The following BCAS3 variants were observed in gnomAD, a reference collection of about 807,000 sequenced individuals.
BCAS3 encodes BCAS4/BCAS3 fusion.
A neutral mutation model predicts 116.1 loss-of-function variants in BCAS3; 53 were observed. The observed-to-expected ratio is 0.46, with a 90% CI of 0.37 to 0.57. The LOEUF (loss-of-function observed/expected upper bound fraction) is 0.57. Ranked by LOEUF, BCAS3 falls within the 20% of genes least tolerant of loss-of-function variation. The pLI, the probability that BCAS3 is intolerant of heterozygous loss-of-function variation, is 0.00. For synonymous variants in BCAS3, 391 were observed against 408.2 expected (o/e 0.96, Z 0.51); for missense variants, 917 against 1,165.4 (o/e 0.79, Z 3.10).
intron 22 of BCAS3, among the ~76,000 whole-genome samples, chr17:61,089,475 C>CTT (rs746515447): frequency 1.9e-4 from 3 of 15,942 alleles, no homozygotes; most frequent in Admixed American, 6.8e-4. Flanking sequence ...GAAGAGTATT[C>CTT]TTTTTTTTTT....
chr17:61,271,485 G>A (rs141261932), intron 22 of BCAS3, among the ~76,000 whole-genome samples: 3,268 of 134,458 alleles, frequency 0.024, 135 homozygotes, highest in African/African-American at 0.087. Context: ...GTGCAGTGGC[G>A]CGATCTTGGC....
Position 61,013,778 on chromosome 17 carries a change from A to G in BCAS3, c.1487-1973A>G, listed in dbSNP as rs78306633. Among the ~76,000 whole-genome samples the G allele has an allele frequency of 1.9e-3, 282 of 152,256 alleles. 2 individuals carry two copies. Among genetic ancestry groups the G allele is most frequent in the African/African-American group, 6.3e-3 (261 of 41,562 alleles). On this transcript the variant is annotated intron_variant, in intron 15 of 23. Transcript: ENST00000407086. The surrounding 1 kb of genome is among the most constrained non-coding windows in gnomAD (Gnocchi z 4.4). ...TATCAAAGGTTAACTTGATAGTTCT[A>G]TAGAGTAATATAAAAGGATAGATTT...
intron 22 of BCAS3, among the ~76,000 whole-genome samples, chr17:61,231,976 G>C (rs537984524): frequency 3.2e-4 from 48 of 151,736 alleles, no homozygotes; most frequent in Middle Eastern, 3.4e-3. Flanking sequence ...GGAGGCCGAG[G>C]GGGGTGGATC....
intron 6 of BCAS3, among the ~76,000 whole-genome samples, chr17:60,797,474 G>A (rs1436683376): frequency 6.6e-6 from 1 of 152,024 alleles, no homozygotes; most frequent in Non-Finnish European, 1.5e-5. Flanking sequence ...CCGGCCTCCT[G>A]AGTAGCTGGG....
At position 61,098,808 on chromosome 17, in the gene BCAS3, G is replaced by T. The variant is rs2143646094; in HGVS notation, c.2425+14244G>T. Reference sequence around the variant, plus strand: ...TTAACAGTAGGTGTGGATCCTGATTGTTCTGTTACTGCTTGGCTTAAGATA... The same window carrying T: ...TTAACAGTAGGTGTGGATCCTGATTTTTCTGTTACTGCTTGGCTTAAGATA... On this transcript the variant is annotated intron_variant, in intron 22 of 23. Coordinates refer to ENST00000407086, the MANE Select transcript of BCAS3 (RefSeq NM_017679.5). The surrounding 1 kb of genome is among the most constrained non-coding windows in gnomAD (Gnocchi z 4.2). Among the ~76,000 whole-genome samples the T allele has an allele frequency of 6.6e-6, 1 of 152,212 alleles. No individual in the cohort carries two copies. Among genetic ancestry groups the T allele is most frequent in the African/African-American group, 2.4e-5 (1 of 41,536 alleles).
At chr17:61,209,259 T>C (rs2081321972) in intron 22 of BCAS3, among the ~76,000 whole-genome samples, 1 of 152,132 alleles carries the variant, frequency 6.6e-6, no homozygotes, top group African/African-American at 2.4e-5. Context: ...TAGGAATGAC[T>C]CTAGAGCCGT....
intron 15 of BCAS3, among the ~76,000 whole-genome samples, chr17:61,005,778 ATTTCT>A (rs1017236963): frequency 5.4e-5 from 8 of 147,732 alleles, no homozygotes; most frequent in African/African-American, 2.0e-4. Context: ...TTAGGAAAAA[ATTTCT>A]TTTTTTTCTT....
At chr17:60,688,800 AG>A (rs1391582372) in intron 3 of BCAS3, 1 of 150,500 alleles carries the variant, frequency 6.6e-6, no homozygotes, top group Non-Finnish European at 1.5e-5. Context: ...TGGGTGATAG[AG>A]TGAGACTCTG....
At position 61,366,977 on chromosome 17, in the gene BCAS3, G is replaced by T. The variant is rs1451671439; in HGVS notation, c.2426-1350G>T. Among the ~76,000 whole-genome samples, 1 of 152,204 alleles carries T rather than the reference G, an allele frequency of 6.6e-6. No homozygotes were observed. The highest frequency in any genetic ancestry group is 1.5e-5 in the Non-Finnish European group (1 of 68,032). Reference sequence around the variant, plus strand: ...CCGGCTGTCGGAGTGTTTACTAACGGTTATCACCTCAATGCTGTGGCCATT... The same window carrying T: ...CCGGCTGTCGGAGTGTTTACTAACGTTTATCACCTCAATGCTGTGGCCATT... On this transcript the variant is annotated intron_variant, in intron 22 of 23. Transcript: ENST00000407086. The surrounding 1 kb of genome is among the most constrained non-coding windows in gnomAD (Gnocchi z 4.5).
chr17:60,872,306 T>C (rs2055177023), intron 8 of BCAS3, among the ~76,000 whole-genome samples: 1 of 151,858 alleles, frequency 6.6e-6, no homozygotes, highest in South Asian at 2.1e-4. Flanking sequence ...TGTGTGTATA[T>C]GTACTTATAT....
chr17:60,749,064 C>G (rs1198107569), intron 6 of BCAS3: 4 of 152,010 alleles, frequency 2.6e-5, no homozygotes, highest in African/African-American at 4.8e-5. Flanking sequence ...TTTTTTTCCC[C>G]CAAAGTTATA....
intron 19 of BCAS3, among the ~76,000 whole-genome samples, chr17:61,066,938 C>A (rs954439840): frequency 2.0e-5 from 3 of 151,876 alleles, no homozygotes; most frequent in Non-Finnish European, 2.9e-5. Context: ...AATGTTTATA[C>A]CTTTAATCTT....
chr17:61,368,042 C>T lies in BCAS3; in HGVS notation c.2426-285C>T, dbSNP rs1316269283. 4 of 295,582 alleles carry T rather than the reference C, an allele frequency of 1.4e-5. No homozygotes were observed. Among genetic ancestry groups the T allele is most frequent in the Non-Finnish European group, 2.5e-5 (4 of 160,184 alleles). 18.3% of individuals were successfully genotyped at this position (295,582 alleles called of 1,614,324 possible). Reference sequence around the variant, plus strand: ...GGGAAGGGGGTTGCCTTCCCCGTCCCACTTCTTAAGGTGGTCCCTGAAGAC... The same window carrying T: ...GGGAAGGGGGTTGCCTTCCCCGTCCTACTTCTTAAGGTGGTCCCTGAAGAC... On this transcript the variant is annotated intron_variant, in intron 22 of 23. Coordinates refer to ENST00000407086, the MANE Select transcript of BCAS3 (RefSeq NM_017679.5). The surrounding 1 kb of genome is among the most constrained non-coding windows in gnomAD (Gnocchi z 6.0).
At position 61,151,640 on chromosome 17, in the gene BCAS3, C is replaced by T. The variant is rs757747914; in HGVS notation, c.2425+67076C>T. Among the ~76,000 whole-genome samples the T allele has an allele frequency of 1.5e-4, 23 of 152,040 alleles. No homozygotes were observed. The highest frequency in any genetic ancestry group is 2.4e-4 in the Non-Finnish European group (16 of 67,996). On this transcript the variant is annotated intron_variant, in intron 22 of 23. Coordinates refer to ENST00000407086, the MANE Select transcript of BCAS3 (RefSeq NM_017679.5). The surrounding 1 kb of genome is among the most constrained non-coding windows in gnomAD (Gnocchi z 4.8). ...GCCCAGCAAATTTTTAAATTTTTGGCAGAAACAAGTTCTCGCCATTTTACC... is the reference window on the plus strand; with the variant it reads ...GCCCAGCAAATTTTTAAATTTTTGGTAGAAACAAGTTCTCGCCATTTTACC...
chr17:61,044,798 A>G (rs1600720795), intron 19 of BCAS3, among the ~76,000 whole-genome samples: 1 of 146,186 alleles, frequency 6.8e-6, no homozygotes, highest in Middle Eastern at 3.6e-3. Context: ...TTTGAGATGG[A>G]GTCTTGCTCT....
intron 6 of BCAS3, among the ~76,000 whole-genome samples, chr17:60,782,851 G>A (rs1162063697): frequency 6.6e-6 from 1 of 151,842 alleles, no homozygotes; most frequent in Non-Finnish European, 1.5e-5. Context: ...GCCTCCCAAA[G>A]TGCTGGGAAT....
rs2061447102 is a variant in BCAS3, at chr17:60,962,261, A to G, written c.1221+14909A>G. On this transcript the variant is annotated intron_variant, in intron 14 of 23. Transcript: ENST00000407086. The surrounding 1 kb of genome is among the most constrained non-coding windows in gnomAD (Gnocchi z 4.4). ...TTTTAGTTTTCTGAGGAACCTCCAT[A>G]CTGTGCTCCATAGTGGCTGCACTAA... is the stretch of plus-strand genomic sequence containing the variant. 6.6e-6 allele frequency among the ~76,000 whole-genome samples: 1 copy of G among 152,172 alleles called. No individual in the cohort carries two copies. The highest frequency in any genetic ancestry group is 2.4e-5 in the African/African-American group (1 of 41,434).
At chr17:61,293,005 T>A (rs1469755087) in intron 22 of BCAS3, among the ~76,000 whole-genome samples, 1 of 152,202 alleles carries the variant, frequency 6.6e-6, no homozygotes, top group South Asian at 2.1e-4. Flanking sequence ...GGGGGGTTAT[T>A]CTTGACAAGT....
Position 61,309,204 on chromosome 17 carries a change from G to T in BCAS3, c.2426-59123G>T, listed in dbSNP as rs9898274. Among the ~76,000 whole-genome samples the T allele has an allele frequency of 6.6e-6, 1 of 152,156 alleles. No individual in the cohort carries two copies. Among genetic ancestry groups the T allele is most frequent in the Non-Finnish European group, 1.5e-5 (1 of 68,032 alleles). On this transcript the variant is annotated intron_variant, in intron 22 of 23. Coordinates refer to ENST00000407086, the MANE Select transcript of BCAS3 (RefSeq NM_017679.5). The surrounding 1 kb of genome is among the most constrained non-coding windows in gnomAD (Gnocchi z 4.6). ...AGAACGTTAGCTCATGTGAGGATAC[G>T]TATAAGGGAATTAGATAACTCTCTA... is the stretch of plus-strand genomic sequence containing the variant.
Sources: gnomAD v4.1 joint callset for allele counts (sites outside exome capture counted in the v4.1 genomes callset) on GRCh38, gnomAD v4.1.1 for gene constraint, Gnocchi (gnomAD v3.1) non-coding constraint, MANE v1.5 for transcripts, NCBI Gene and HGNC (gene_info 2026-07-23, HGNC 2026-07-21) for gene names.